The following SEM1 variants were observed in gnomAD, a reference collection of about 807,000 sequenced individuals.
SEM1 encodes 26S proteasome complex subunit SEM1.
Under a neutral mutation model 12.7 loss-of-function variants are expected in SEM1, and 3 were observed. The ratio of observed to expected loss-of-function variants is 0.24; its 90% CI spans 0.11 to 0.61. The LOEUF (loss-of-function observed/expected upper bound fraction) is 0.61, where lower values mean the gene tolerates loss of function less well. SEM1 is among the 20% of genes least tolerant of loss of function. SEM1 has a pLI of 0.88. For synonymous variants in SEM1, 30 were observed against 27.8 expected, an observed-to-expected ratio of 1.08 and a Z score of -0.25; for missense variants, 59 against 81.3, an observed-to-expected ratio of 0.73 and a Z score of 1.06.
chr7:96,669,057 A>G (rs1361102452), downstream of SEM1, among the ~76,000 whole-genome samples: 1 of 152,114 alleles, frequency 6.6e-6, no homozygotes, highest in Admixed American at 6.6e-5. Context: ...CCCTGCTGAC[A>G]CCTTAATTTC....
chr7:96,488,474 A>G (rs1434911144), intron 1 of SEM1, among the ~76,000 whole-genome samples: 1 of 152,154 alleles, frequency 6.6e-6, no homozygotes, highest in African/African-American at 2.4e-5. Flanking sequence ...TGACAATGCA[A>G]TAGTAGGGCC....
intron 2 of SEM1, among the ~76,000 whole-genome samples, chr7:96,575,659 C>T (rs1430642061): frequency 6.6e-6 from 1 of 152,190 alleles, no homozygotes; most frequent in Non-Finnish European, 1.5e-5. Flanking sequence ...TTCAGAGTTG[C>T]CCTGCCCAGA....
chr7:96,659,913 CAA>C (rs71529826), intron 2 of SEM1, among the ~76,000 whole-genome samples: 8 of 66,688 alleles, frequency 1.2e-4, no homozygotes, highest in Middle Eastern at 0.011. Context: ...AGTAAGATGG[CAA>C]AAAAAAAAAA....
intron 2 of SEM1, among the ~76,000 whole-genome samples, chr7:96,541,818 C>A (rs1021810008): frequency 6.6e-6 from 1 of 151,728 alleles, no homozygotes; most frequent in African/African-American, 2.4e-5. Context: ...GCTGTCCCAG[C>A]ACCATTTATT....
intron 2 of SEM1, among the ~76,000 whole-genome samples, chr7:96,694,530 T>A (rs547352131): frequency 6.6e-6 from 1 of 152,098 alleles, no homozygotes; most frequent in East Asian, 1.9e-4. Flanking sequence ...ATTGACAGAA[T>A]TAAATTCCTA....
At chr7:96,646,807 C>A (rs892680121) in intron 2 of SEM1, among the ~76,000 whole-genome samples, 2 of 152,156 alleles carry the variant, frequency 1.3e-5, no homozygotes, top group Admixed American at 1.3e-4. Flanking sequence ...GAGTTTATTT[C>A]TTTCTTTGTT....
intron 2 of SEM1, chr7:96,646,051 A>G: frequency 7.6e-6 from 3 of 395,236 alleles, no homozygotes; most frequent in Non-Finnish European, 1.3e-5. Flanking sequence ...CCAGATATAT[A>G]TCCCTCCCTA....
rs568747641 is a variant in SEM1, at chr7:96,556,597, G to A, written c.171-49899C>T. The stretch of plus-strand genomic sequence containing the variant: ...ATGGGCTTCCCTTTGAGGGTAACCC[G>A]ACCTTTCTCTCTGGCTGCCCTTAAC... On this transcript the variant is annotated intron_variant and NMD_transcript_variant, in intron 2 of 3. Transcript: ENST00000466986. Among the ~76,000 whole-genome samples, 195 of 150,566 alleles carry A rather than the reference G, an allele frequency of 1.3e-3. 2 individuals carry two copies. Among genetic ancestry groups the A allele is most frequent in the African/African-American group, 4.4e-3 (179 of 41,064 alleles).
chr7:96,573,597 CCT>C (rs1806110072), intron 2 of SEM1, among the ~76,000 whole-genome samples: 2 of 152,146 alleles, frequency 1.3e-5, no homozygotes, highest in South Asian at 4.2e-4. Flanking sequence ...TATTGGCCCC[CCT>C]CTCTTCTACC....
At chr7:96,551,600 G>C (rs2115843756) in intron 2 of SEM1, among the ~76,000 whole-genome samples, 1 of 151,672 alleles carries the variant, frequency 6.6e-6, no homozygotes, top group Non-Finnish European at 1.5e-5. Flanking sequence ...AGCCATTCAG[G>C]AGGCCGAGGC....
chr7:96,674,553 G>C (rs1789404774), intron 2 of SEM1, among the ~76,000 whole-genome samples: 1 of 152,034 alleles, frequency 6.6e-6, no homozygotes, highest in Non-Finnish European at 1.5e-5. Flanking sequence ...GGTCCCAGAA[G>C]ATACTTGGGA....
At chr7:96,690,708 C>T (rs756368968) in intron 2 of SEM1, among the ~76,000 whole-genome samples, 301 of 152,256 alleles carry the variant, frequency 2.0e-3, no homozygotes, top group Non-Finnish European at 3.1e-3. Flanking sequence ...TCTTACTATC[C>T]AAGAAACTAC....
chr7:96,709,611 C>T (rs1482351493), intron 1 of SEM1, 77 bp downstream of exon 1: 9 of 1,413,488 alleles, frequency 6.4e-6, no homozygotes, highest in Non-Finnish European at 7.9e-6. Context: ...CCAGCTGGGC[C>T]CGAGCACCCA....
At chr7:96,517,901 C>T (rs1478037311) in intron 2 of SEM1, among the ~76,000 whole-genome samples, 1 of 152,098 alleles carries the variant, frequency 6.6e-6, no homozygotes, top group Non-Finnish European at 1.5e-5. Context: ...TTTCATGTCT[C>T]ACTTAGGCTA....
At chr7:96,595,514 AAAAC>A (rs924615206) in intron 2 of SEM1, among the ~76,000 whole-genome samples, 10 of 152,064 alleles carry the variant, frequency 6.6e-5, no homozygotes, top group South Asian at 2.1e-4. Flanking sequence ...ACAAAAACAC[AAAAC>A]AAACAAACAA....
At chr7:96,604,320 T>C (rs1807280191) in intron 2 of SEM1, among the ~76,000 whole-genome samples, 1 of 152,216 alleles carries the variant, frequency 6.6e-6, no homozygotes, top group African/African-American at 2.4e-5. Flanking sequence ...GTCTCTGGTT[T>C]GTCTGGAACA....
At chr7:96,559,301 G>T (rs1343825786) in intron 2 of SEM1, among the ~76,000 whole-genome samples, 1 of 151,804 alleles carries the variant, frequency 6.6e-6, no homozygotes, top group African/African-American at 2.4e-5. Context: ...ATTATTTTTT[G>T]AGACAAGGCC....
At chr7:96,559,200 A>T (rs1805619851) in intron 2 of SEM1, among the ~76,000 whole-genome samples, 1 of 151,984 alleles carries the variant, frequency 6.6e-6, no homozygotes, top group Admixed American at 6.6e-5. Flanking sequence ...TAGTATATAA[A>T]TTTTTTCATA....
At chr7:96,683,535 T>C (rs187898291) in intron 2 of SEM1, among the ~76,000 whole-genome samples, 39 of 152,308 alleles carry the variant, frequency 2.6e-4, no homozygotes, top group Admixed American at 1.1e-3. Flanking sequence ...CATTACTGGG[T>C]ATATACCCAA....
Sources: gnomAD v4.1 joint callset for allele counts (sites outside exome capture counted in the v4.1 genomes callset) on GRCh38, gnomAD v4.1.1 for gene constraint, MANE v1.5 for transcripts, NCBI Gene and HGNC (gene_info 2026-07-23, HGNC 2026-07-21) for gene names.